CSN2: variants seen among roughly 807,000 people sequenced by gnomAD.
CSN2 encodes casein beta.
A neutral mutation model predicts 27.3 loss-of-function variants in CSN2; 27 were observed. The observed-to-expected ratio is 0.99, with a 90% confidence interval of 0.73 to 1.36. The LOEUF (loss-of-function observed/expected upper bound fraction) is 1.36. CSN2 is among the 40% of genes most tolerant of loss of function. The pLI is 0.00. For missense variants in CSN2, 333 were observed against 264.5 expected (o/e 1.26, Z -1.80); for synonymous variants, 131 against 94.8 (o/e 1.38, Z -2.22).
chr4:69,961,647 G>A, intron 1 of CSN2, among the ~76,000 whole-genome samples: 1 of 152,134 alleles, frequency 6.6e-6, no homozygotes, highest in Non-Finnish European at 1.5e-5. Context: ...ACAAAAACTG[G>A]AAGCATTCCC....
chr4:69,962,154 C>G (rs974009701), intron 1 of CSN2, among the ~76,000 whole-genome samples: 1 of 152,162 alleles, frequency 6.6e-6, no homozygotes, highest in Non-Finnish European at 1.5e-5. Flanking sequence ...AATGGCCATA[C>G]TGCCCAAGGT....
intron 2 of CSN2, 28 bp from the exon 3 acceptor site, chr4:69,960,107 C>G: frequency 6.2e-7 from 1 of 1,601,452 alleles, no homozygotes; most frequent in Non-Finnish European, 8.5e-7. Flanking sequence ...TGACAACCAG[C>G]TAAATCTTCT....
rs1484916164 is a variant in CSN2 at position 69,957,375 on chromosome 4, G to A, written c.574C>T (p.Pro192Ser). ...QVVPYPQRAV[P>S]VQALLLNQEL... The stretch of plus-strand genomic sequence containing the variant: ...TGGTTGAGCAGAAGGGCTTGAACAG[G>A]CACAGCTCTCTGAGGGTAGGGCACC... Residue 192 changes from proline (P) to serine (S), a missense_variant, in exon 6 of 8, where the codon CCT becomes TCT. Pro to Ser is a moderately conservative substitution (Grantham distance 74, BLOSUM62 -1). Transcript: ENST00000353151. The A allele has an allele frequency of 6.2e-7, 1 of 1,613,392 alleles. No homozygotes were observed. Among genetic ancestry groups the A allele is most frequent in the Non-Finnish European group, 8.5e-7 (1 of 1,179,856 alleles).
At chr4:69,956,078 A>C (rs1313135142) in intron 7 of CSN2, among the ~76,000 whole-genome samples, 3 of 152,088 alleles carry the variant, frequency 2.0e-5, no homozygotes, top group Non-Finnish European at 1.5e-5. Context: ...AGGCCCTTGA[A>C]AGCAAGCCAG....
chr4:69,959,928 A>C (rs941943190), intron 3 of CSN2, 125 bp downstream of exon 3: 1 of 744,432 alleles, frequency 1.3e-6, no homozygotes, highest in African/African-American at 1.8e-5. Context: ...CACACATAAA[A>C]GAAATATGTA....
At chr4:69,962,482 G>A (rs1460877063) in intron 1 of CSN2, among the ~76,000 whole-genome samples, 2 of 152,268 alleles carry the variant, frequency 1.3e-5, no homozygotes, top group East Asian at 1.9e-4. Context: ...CAAGCAATGG[G>A]GAAAGGATTC....
At chr4:69,962,486 A>G (rs1241222340) in intron 1 of CSN2, among the ~76,000 whole-genome samples, 1 of 152,192 alleles carries the variant, frequency 6.6e-6, no homozygotes, top group Non-Finnish European at 1.5e-5. Context: ...CAATGGGGAA[A>G]GGATTCCCTA....
At chr4:69,961,162 T>C (rs768895212) in intron 1 of CSN2, among the ~76,000 whole-genome samples, 155 bp from the exon 2 acceptor site, 2 of 152,086 alleles carry the variant, frequency 1.3e-5, no homozygotes, top group South Asian at 2.1e-4. Flanking sequence ...AAATACTAAA[T>C]AGAAGTTATA....
chr4:69,961,108 A>G (rs1723565563), intron 1 of CSN2, 101 bp from the exon 2 acceptor site: 1 of 674,244 alleles, frequency 1.5e-6, no homozygotes, highest in Non-Finnish European at 2.6e-6. Flanking sequence ...AAAAAGAGAG[A>G]TAATATATAA....
intron 4 of CSN2, 25 bp downstream of exon 4, chr4:69,959,024 G>A: frequency 1.4e-6 from 2 of 1,475,620 alleles, no homozygotes; most frequent in Non-Finnish European, 1.9e-6. Context: ...TTGAAAATGT[G>A]TACATTTTAA....
At chr4:69,958,825 G>T (rs12649602) in intron 5 of CSN2, 84 bp downstream of exon 5, 16 of 846,978 alleles carry the variant, frequency 1.9e-5, no homozygotes, top group South Asian at 4.2e-5. Flanking sequence ...TCATTCTTTA[G>T]AATCAACATA....
chr4:69,959,056 T>C lies in CSN2; in HGVS notation c.92A>G (p.Glu31Gly). The change falls in exon 4 of 8, where the codon GAA becomes GGA. Residue 31 changes from glutamate to glycine, a missense_variant. By Grantham distance (98) the Glu-to-Gly change is moderately conservative. Transcript: ENST00000353151. ...SLSSSEESITEYKQKVEKVKH... is the reference protein window; with the variant it reads ...SLSSSEESITGYKQKVEKVKH... ...TTAAATGTGAAAATTTACCTTGTAT[T>C]CTGTAATAGATTCCTACAGAAAAAT... is the stretch of plus-strand genomic sequence containing the variant. The C allele has an allele frequency of 7.1e-7, 1 of 1,399,698 alleles. No individual in the cohort carries two copies. The highest frequency in any genetic ancestry group is 2.0e-5 in the Admixed American group (1 of 50,402). 86.7% of individuals were successfully genotyped at this position (1,399,698 alleles called of 1,614,324 possible).
intron 1 of CSN2, among the ~76,000 whole-genome samples, chr4:69,965,202 G>A (rs1276260430): frequency 1.3e-5 from 2 of 150,806 alleles, no homozygotes; most frequent in African/African-American, 2.4e-5. Context: ...AGTAGTAAAT[G>A]CCCCCATACC....
rs758896511 is a variant in CSN2 at position 69,960,034 on chromosome 4, G to A, written c.78+19C>T. 2 of 1,608,964 alleles carry A rather than the reference G, an allele frequency of 1.2e-6. No individual in the cohort carries two copies. Among genetic ancestry groups the A allele is most frequent in the Admixed American group, 3.3e-5 (2 of 59,742 alleles). ...CACAGGATTTTACTGTTCTAAAATT[G>A]GGTAGAATGTTAACTTACCTCACTG... On this transcript the variant is annotated intron_variant, in intron 3 of 7. Transcript: ENST00000353151.
chr4:69,965,408 C>CAATATA (rs1182941192), intron 1 of CSN2, among the ~76,000 whole-genome samples: 1 of 88,130 alleles, frequency 1.1e-5, no homozygotes. Context: ...TAGCCTCATA[C>CAATATA]TATATATATA....
intron 6 of CSN2, among the ~76,000 whole-genome samples, chr4:69,956,714 T>C (rs1197920591): frequency 6.6e-6 from 1 of 152,188 alleles, no homozygotes; most frequent in African/African-American, 2.4e-5. Flanking sequence ...TCAATCATAT[T>C]ATTAAATTTA....
rs369924072 is a variant in CSN2, at chr4:69,960,080, C to T, written c.52-1G>A. Reference sequence around the variant, plus strand: ...CACTGCTTGAAAGGCTTTCTATGGTCTGTGGGAAAAAAAAATTGACAACCA... The same window carrying T: ...CACTGCTTGAAAGGCTTTCTATGGTTTGTGGGAAAAAAAAATTGACAACCA... On this transcript the variant is annotated splice_acceptor_variant, in intron 2 of 7. Coordinates refer to ENST00000353151, the MANE Select transcript of CSN2 (RefSeq NM_001891.4). LOFTEE classifies it high-confidence loss of function. The T allele has an allele frequency of 1.9e-6, 3 of 1,610,602 alleles. No homozygotes were observed. The highest frequency in any genetic ancestry group is 2.5e-6 in the Non-Finnish European group (3 of 1,178,036).
chr4:69,961,907 G>A (rs1343350870), intron 1 of CSN2, among the ~76,000 whole-genome samples: 4 of 152,064 alleles, frequency 2.6e-5, no homozygotes, highest in Non-Finnish European at 4.4e-5. Context: ...AAATCAATGT[G>A]CAAAAATCAC....
chr4:69,964,216 C>T (rs954939499), intron 1 of CSN2, among the ~76,000 whole-genome samples: 6 of 152,040 alleles, frequency 3.9e-5, no homozygotes, highest in African/African-American at 4.8e-5. Flanking sequence ...AATGTACACA[C>T]GATTCTCTTG....
Sources: gnomAD v4.1 joint callset for allele counts (sites outside exome capture counted in the v4.1 genomes callset) on GRCh38, gnomAD v4.1.1 for gene constraint, MANE v1.5 for transcripts, NCBI Gene and HGNC (gene_info 2026-07-23, HGNC 2026-07-21) for gene names.